PHTF2: variants seen among roughly 807,000 people sequenced by gnomAD.
The protein encoded by PHTF2 is protein PHTF2.
Under a neutral mutation model 101.2 loss-of-function variants are expected in PHTF2, and 60 were observed. That is an observed-to-expected ratio of 0.59 (90% CI 0.48 to 0.73). PHTF2 has a LOEUF of 0.73. Among genes scored for constraint, PHTF2 ranks in the 30% least tolerant of loss-of-function variants. The pLI is 0.00. For synonymous variants in PHTF2, 311 were observed against 307.3 expected, an observed-to-expected ratio of 1.01 and a Z score of -0.13; for missense variants, 747 against 908.7, an observed-to-expected ratio of 0.82 and a Z score of 2.29.
At chr7:77,916,726 G>A (rs568654368) in intron 9 of PHTF2, among the ~76,000 whole-genome samples, 1 of 151,776 alleles carries the variant, frequency 6.6e-6, no homozygotes, top group African/African-American at 2.4e-5. Context: ...TATAACACAT[G>A]CATATCCTCT....
intron 2 of PHTF2, among the ~76,000 whole-genome samples, chr7:77,844,982 A>T (rs1796165234): frequency 6.6e-6 from 1 of 152,222 alleles, no homozygotes; most frequent in African/African-American, 2.4e-5. Flanking sequence ...ACTTGGAGGA[A>T]CTGTTAATGC....
chr7:77,942,927 A>C, intron 16 of PHTF2, 141 bp downstream of exon 15: 2 of 512,338 alleles, frequency 3.9e-6, no homozygotes, highest in South Asian at 3.4e-5. Context: ...TTTTTGGTAG[A>C]ATAAATAAGT....
intron 9 of PHTF2, among the ~76,000 whole-genome samples, chr7:77,915,711 C>T (rs927801044): frequency 7.2e-5 from 11 of 152,124 alleles, no homozygotes; most frequent in Non-Finnish European, 8.8e-5. Context: ...TCTTTTCAAC[C>T]GCTCCAAGCT....
intron 1 of PHTF2, among the ~76,000 whole-genome samples, chr7:77,810,179 T>C (rs778861446): frequency 4.9e-4 from 75 of 152,342 alleles, no homozygotes; most frequent in Admixed American, 1.2e-3. Context: ...TTTCTCGATA[T>C]ATATATAGGT....
At chr7:77,947,837 CTTTTTTTT>C (rs71082798) in intron 16 of PHTF2, among the ~76,000 whole-genome samples, 1 of 73,806 alleles carries the variant, frequency 1.4e-5, no homozygotes, top group African/African-American at 5.7e-5. Flanking sequence ...TTTTTTCTTT[CTTTTTTTT>C]TTTTTTTTTT....
At chr7:77,907,840 A>G (rs1444551181) in intron 7 of PHTF2, 2 of 152,226 alleles carry the variant, frequency 1.3e-5, no homozygotes, top group Non-Finnish European at 2.9e-5. Flanking sequence ...TATAATATTT[A>G]CATTTTATTT....
At chr7:77,925,456 T>C (rs1803873674) in intron 11 of PHTF2, among the ~76,000 whole-genome samples, 1 of 151,314 alleles carries the variant, frequency 6.6e-6, no homozygotes, top group East Asian at 1.9e-4. Flanking sequence ...GGTAAAATTC[T>C]ATTTGAAATT....
chr7:77,905,674 T>G (rs950874427), intron 7 of PHTF2, among the ~76,000 whole-genome samples: 21 of 152,196 alleles, frequency 1.4e-4, no homozygotes, highest in Admixed American at 1.2e-3. Context: ...TTTTGAAATT[T>G]TTTTGTAGAG....
chr7:77,933,143 C>CAGGAGAATGGCGTGAACCCAGG (rs1804762559), intron 12 of PHTF2, among the ~76,000 whole-genome samples: 2 of 152,136 alleles, frequency 1.3e-5, no homozygotes, highest in Non-Finnish European at 2.9e-5. Context: ...GAGGCTGAGG[C>CAGGAGAATGGCGTGAACCCAGG]AGGAGAATGG....
intron 3 of PHTF2, among the ~76,000 whole-genome samples, chr7:77,878,411 C>T (rs556344357): frequency 6.6e-6 from 1 of 152,078 alleles, no homozygotes; most frequent in Non-Finnish European, 1.5e-5. Flanking sequence ...ATACCTCAAA[C>T]ACCAATTTTA....
chr7:77,922,868 A>T (rs747835108), intron 11 of PHTF2, 90 bp downstream of exon 10: 1 of 1,304,828 alleles, frequency 7.7e-7, no homozygotes, highest in East Asian at 2.6e-5. Flanking sequence ...AATTGTTGAA[A>T]TAAATATTTC....
intron 3 of PHTF2, among the ~76,000 whole-genome samples, chr7:77,870,576 A>G (rs185374067): frequency 1.2e-4 from 18 of 152,282 alleles, no homozygotes; most frequent in Non-Finnish European, 2.2e-4. Context: ...ACCTAGATTA[A>G]GGGTGGGTCT....
chr7:77,954,713 C>G (rs1806883058), intron 19 of PHTF2, 145 bp from the exon 19 acceptor site: 1 of 388,552 alleles, frequency 2.6e-6, no homozygotes, highest in Non-Finnish European at 4.7e-6. Flanking sequence ...AAGGTGAGTT[C>G]TTCTTAAAAG....
chr7:77,872,996 C>G (rs995080338), intron 3 of PHTF2, among the ~76,000 whole-genome samples: 1 of 152,048 alleles, frequency 6.6e-6, no homozygotes, highest in African/African-American at 2.4e-5. Context: ...GTGGCACGAT[C>G]TCAGCTCACT....
At chr7:77,799,378 GTGGCTAGCCCGGC>G (rs1310061794) in intron 1 of PHTF2, among the ~76,000 whole-genome samples, 12 of 152,202 alleles carry the variant, frequency 7.9e-5, no homozygotes, top group Admixed American at 7.2e-4. Flanking sequence ...GGGGTCTCGG[GTGGCTAGCCCGGC>G]TGGCGGGGAG....
At chr7:77,879,114 T>G (rs769026080) in intron 3 of PHTF2, among the ~76,000 whole-genome samples, 5 of 152,260 alleles carry the variant, frequency 3.3e-5, no homozygotes, top group Admixed American at 2.0e-4. Context: ...CCTGTACATT[T>G]TATCTTACAG....
chr7:77,802,158 T>C (rs1277268788), intron 1 of PHTF2, among the ~76,000 whole-genome samples: 1 of 152,116 alleles, frequency 6.6e-6, no homozygotes, highest in Non-Finnish European at 1.5e-5. Context: ...AACAGAAATA[T>C]GGATTGTTTA....
At chr7:77,856,981 A>G (rs1366683121) in intron 3 of PHTF2, among the ~76,000 whole-genome samples, 1 of 152,192 alleles carries the variant, frequency 6.6e-6, no homozygotes, top group Non-Finnish European at 1.5e-5. Context: ...ATGACAAATT[A>G]GAGTATCTTT....
intron 1 of PHTF2, among the ~76,000 whole-genome samples, chr7:77,829,491 A>G (rs2079678755): frequency 6.6e-6 from 1 of 152,222 alleles, no homozygotes; most frequent in Non-Finnish European, 1.5e-5. Context: ...AAATATTTCC[A>G]TGAAATATTA....
Sources: allele counts gnomAD v4.1 joint callset (sites outside exome capture counted in the v4.1 genomes callset), GRCh38; gene constraint gnomAD v4.1.1; transcripts MANE v1.5; gene names NCBI Gene and HGNC (gene_info 2026-07-23, HGNC 2026-07-21).